NEK5: variants seen among roughly 807,000 people sequenced by gnomAD.
NEK5 encodes serine/threonine-protein kinase Nek5.
NEK5 carries 88 observed loss-of-function variants against 109.2 expected under a neutral mutation model. The observed-to-expected ratio is 0.81, with a 90% CI of 0.68 to 0.96. NEK5 has a LOEUF of 0.96. NEK5 is among the 40% of genes least tolerant of loss of function. The pLI is 0.00. For missense variants in NEK5, 834 were observed against 920.7 expected (o/e 0.91, Z 1.22); for synonymous variants, 283 against 299.9 (o/e 0.94, Z 0.58).
chr13:52,120,368 CTATT>C (rs1244917348), intron 3 of NEK5, among the ~76,000 whole-genome samples: 1 of 151,758 alleles, frequency 6.6e-6, no homozygotes, highest in Admixed American at 6.6e-5. Context: ...TTCCTAACTA[CTATT>C]TATTTAAAAG....
intron 8 of NEK5, among the ~76,000 whole-genome samples, chr13:52,107,630 AG>A (rs1270496694): frequency 4.6e-5 from 7 of 152,090 alleles, no homozygotes; most frequent in African/African-American, 1.7e-4. Context: ...CCTTATACAA[AG>A]GCTGTAATGT....
chr13:52,055,397 T>G (rs1159003274), intron 22 of NEK5, among the ~76,000 whole-genome samples: 1 of 152,102 alleles, frequency 6.6e-6, no homozygotes, highest in African/African-American at 2.4e-5. Flanking sequence ...CCAGGAGAAC[T>G]TCCCCAATCT....
At chr13:52,127,242 T>G (rs1219905938) in intron 3 of NEK5, 124 bp downstream of exon 3, 6 of 618,048 alleles carry the variant, frequency 9.7e-6, no homozygotes, top group Non-Finnish European at 1.7e-5. Flanking sequence ...GAGGTTGAAT[T>G]AACAAAAATC....
At chr13:52,088,634 C>T (rs1287948200) in intron 14 of NEK5, among the ~76,000 whole-genome samples, 1 of 152,014 alleles carries the variant, frequency 6.6e-6, no homozygotes, top group Non-Finnish European at 1.5e-5. Context: ...AAATTTGAAG[C>T]TCATCTACTC....
chr13:52,057,169 T>C (rs948959543), intron 22 of NEK5, among the ~76,000 whole-genome samples: 5 of 152,196 alleles, frequency 3.3e-5, no homozygotes, highest in East Asian at 3.9e-4. Context: ...ACTACAAACA[T>C]CTCTACGCAA....
At chr13:52,083,020 G>A (rs1267450551) in intron 17 of NEK5, among the ~76,000 whole-genome samples, 2 of 152,154 alleles carry the variant, frequency 1.3e-5, no homozygotes, top group Non-Finnish European at 2.9e-5. Context: ...GGTGGCGCAT[G>A]CCTGTAGTCC....
chr13:52,117,802 C>G (rs1295276307), intron 4 of NEK5, among the ~76,000 whole-genome samples: 1 of 152,064 alleles, frequency 6.6e-6, no homozygotes, highest in African/African-American at 2.4e-5. Context: ...GGAAGAGAAC[C>G]AAAGGGAGCT....
At position 52,050,105 on chromosome 13, in the gene NEK5, TATC is replaced by T. The variant is rs1168323557; in HGVS notation, c.2224_2226del (p.Asp742del). ...GGTATCGGCAAATGATCTACTTACG[TATC>T]ATCATCATCAGATCTTGGTTCTAGT... On this transcript the variant is annotated inframe_deletion and splice_region_variant, in exon 23 of 24. Coordinates refer to ENST00000684899, the MANE Select transcript of NEK5 (RefSeq NM_001365552.1). The T allele has an allele frequency of 2.2e-5, 21 of 967,480 alleles. No homozygotes were observed. The highest frequency in any genetic ancestry group is 2.5e-5 in the Non-Finnish European group (20 of 813,240). The allele number at this position is 967,480 out of a possible 1,614,324, so 59.9% of individuals were successfully genotyped here. A position where few individuals can be genotyped will look rare whatever the true frequency, so the allele number is the denominator to read the frequency against.
rs1400456258 is a variant in NEK5, at chr13:52,112,322, C to T, written c.258G>A (p.Gly86=). 6.2e-7 allele frequency: 1 copy of T among 1,611,010 alleles called. No homozygotes were observed. The highest frequency in any genetic ancestry group is 8.5e-7 in the Non-Finnish European group (1 of 1,177,452). ...GTCTATTGATCCTTTTCATGAGATC[C>T]CCTCCATCACAATATTCCATTACAA... ...LFIVMEYCDG[G]DLMKRINRQR... The change falls in exon 5 of 24, where the codon GGG becomes GGA. Residue 86 remains glycine, a synonymous_variant. Coordinates refer to ENST00000684899, the MANE Select transcript of NEK5 (RefSeq NM_001365552.1).
intron 19 of NEK5, among the ~76,000 whole-genome samples, chr13:52,072,740 C>T (rs1307597693): frequency 6.6e-6 from 1 of 151,930 alleles, no homozygotes; most frequent in Non-Finnish European, 1.5e-5. Context: ...AGCAAATGCT[C>T]ATAAAAATAA....
In NEK5 at chr13:52,104,540, A is replaced by C; in HGVS notation, c.567T>G (p.Ser189=). The change falls in exon 9 of 24, where the codon TCT becomes TCG. Residue 189 remains serine, a synonymous_variant. Coordinates refer to ENST00000684899, the MANE Select transcript of NEK5 (RefSeq NM_001365552.1). ...AGAGCTCATATAAGACACAGCCAAG[A>C]GACCAAATATCCCTAAAGAAGATAA... ...KPYNNKTDIW[S]LGCVLYELCT... 1.9e-6 allele frequency: 3 copies of C among 1,604,848 alleles called. No homozygotes were observed. Among genetic ancestry groups the C allele is most frequent in the Non-Finnish European group, 2.6e-6 (3 of 1,171,640 alleles).
chr13:52,064,497 T>C (rs1433173037), intron 21 of NEK5, among the ~76,000 whole-genome samples: 1 of 131,118 alleles, frequency 7.6e-6, no homozygotes, highest in Non-Finnish European at 1.6e-5. Flanking sequence ...GGGAGGGAGG[T>C]GGGGGGGTCA....
intron 3 of NEK5, among the ~76,000 whole-genome samples, chr13:52,122,766 C>CA (rs1001243418): frequency 0.017 from 2,208 of 129,626 alleles, 37 homozygotes; most frequent in African/African-American, 0.043. Flanking sequence ...GACTCCGTCT[C>CA]AAAAAAAAAA....
At chr13:52,073,928 T>C (rs1450021129) in intron 19 of NEK5, among the ~76,000 whole-genome samples, 4 of 150,748 alleles carry the variant, frequency 2.7e-5, no homozygotes, top group Non-Finnish European at 4.4e-5. Context: ...ACCAAGGAGG[T>C]GAAAGATCTC....
At chr13:52,118,722 G>C (rs1218842630) in intron 4 of NEK5, among the ~76,000 whole-genome samples, 1 of 152,078 alleles carries the variant, frequency 6.6e-6, no homozygotes, top group African/African-American at 2.4e-5. Context: ...GCTAGGCTAT[G>C]GTGCGTGGCT....
chr13:52,054,361 C>T (rs1052160790), intron 22 of NEK5, among the ~76,000 whole-genome samples: 1 of 152,226 alleles, frequency 6.6e-6, no homozygotes, highest in African/African-American at 2.4e-5. Context: ...CACTCTGTCA[C>T]ACTAACTGGA....
intron 12 of NEK5, among the ~76,000 whole-genome samples, chr13:52,093,673 C>T (rs550022925): frequency 6.6e-6 from 1 of 151,582 alleles, no homozygotes; most frequent in Non-Finnish European, 1.5e-5. Context: ...ACTTTTTTTT[C>T]CAGAATAATC....
intron 13 of NEK5, among the ~76,000 whole-genome samples, chr13:52,089,842 G>A (rs553180728): frequency 3.7e-4 from 56 of 152,164 alleles, no homozygotes; most frequent in African/African-American, 1.3e-3. Flanking sequence ...TTAGTGGGGC[G>A]TGGTGGTGGG....
chr13:52,115,853 T>C (rs1405148112), intron 4 of NEK5, among the ~76,000 whole-genome samples: 2 of 151,980 alleles, frequency 1.3e-5, no homozygotes, highest in African/African-American at 2.4e-5. Flanking sequence ...ACAATTATTA[T>C]AATTCATTCT....
Sources: allele counts gnomAD v4.1 joint callset (sites outside exome capture counted in the v4.1 genomes callset), GRCh38; gene constraint gnomAD v4.1.1; transcripts MANE v1.5; gene names NCBI Gene and HGNC (gene_info 2026-07-23, HGNC 2026-07-21).